The following JAM2 variants were observed in gnomAD, a reference collection of about 807,000 sequenced individuals.
The protein encoded by JAM2 is junctional adhesion molecule B.
In JAM2, 17 loss-of-function variants were observed where a neutral mutation model predicts 42.0. The observed-to-expected ratio is 0.40, with a 90% CI of 0.28 to 0.61. The LOEUF is 0.61. Among genes scored for constraint, JAM2 ranks in the 20% least tolerant of loss-of-function variants. The pLI, the probability that JAM2 is intolerant of heterozygous loss-of-function variation, is 0.37. For synonymous variants in JAM2, 118 were observed against 128.6 expected (o/e 0.92, Z 0.56); for missense variants, 319 against 358.3 (o/e 0.89, Z 0.89).
intron 1 of JAM2, among the ~76,000 whole-genome samples, chr21:25,665,239 C>A (rs1238842551): frequency 6.6e-6 from 1 of 152,182 alleles, no homozygotes; most frequent in Non-Finnish European, 1.5e-5. Context: ...CTCCTTTGTC[C>A]TTGACATGCC....
intron 1 of JAM2, among the ~76,000 whole-genome samples, chr21:25,645,269 C>T (rs772887523): frequency 2.0e-5 from 3 of 152,198 alleles, no homozygotes; most frequent in Non-Finnish European, 4.4e-5. Context: ...TGTGCTCTTA[C>T]CAGCTGTGTG....
chr21:25,667,467 C>T (rs773686128), intron 1 of JAM2, among the ~76,000 whole-genome samples: 1 of 152,138 alleles, frequency 6.6e-6, no homozygotes, highest in Non-Finnish European at 1.5e-5. Flanking sequence ...TTGAGAGAGA[C>T]GTCATTCACA....
At chr21:25,642,657 T>G (rs1038137642) in intron 1 of JAM2, among the ~76,000 whole-genome samples, 3 of 152,190 alleles carry the variant, frequency 2.0e-5, no homozygotes, top group African/African-American at 7.2e-5. Context: ...ATGGATATTT[T>G]TGTGTGTGTT....
chr21:25,687,495 A>G (rs2033775248), intron 2 of JAM2, among the ~76,000 whole-genome samples: 1 of 152,238 alleles, frequency 6.6e-6, no homozygotes, highest in Non-Finnish European at 1.5e-5. Context: ...CTGAAGAGAG[A>G]GAAGAGAATT....
chr21:25,639,894 T>G lies in JAM2; in HGVS notation c.67+6T>G, dbSNP rs756605142. 1 of 1,581,574 alleles carries G rather than the reference T, an allele frequency of 6.3e-7. No individual in the cohort carries two copies. The highest frequency in any genetic ancestry group is 8.6e-7 in the Non-Finnish European group (1 of 1,162,980). ...CCTGGTGGTCGCCCTGGGCTGTAAG[T>G]TGCTCGGGTTCCTCTACCCTTCCTG... is the stretch of plus-strand genomic sequence containing the variant. On this transcript the variant is annotated splice_donor_region_variant and intron_variant, in intron 1 of 9. Coordinates refer to ENST00000480456, the MANE Select transcript of JAM2 (RefSeq NM_021219.4).
rs916494768 is a variant in JAM2 at position 25,716,194 on chromosome 21, C to T, written c.*1522C>T. On this transcript the variant is annotated 3_prime_UTR_variant, in exon 10 of 10. Transcript: ENST00000480456. ...TGTATTTTAGTAGAGAAGGGTTTCA[C>T]CATGTTGGCCAGGCTGGTCTCAAAC... 11 of 152,438 alleles carry T rather than the reference C, an allele frequency of 7.2e-5. No homozygotes were observed. The highest frequency in any genetic ancestry group is 2.7e-4 in the African/African-American group (11 of 41,418). 9.4% of individuals were successfully genotyped at this position (152,438 alleles called of 1,614,324 possible). A position where few individuals can be genotyped will look rare whatever the true frequency, so the allele number is the denominator to read the frequency against.
In JAM2 at chr21:25,711,407, A is replaced by G. The variant is rs1027721074; in HGVS notation, c.822-933A>G. On this transcript the variant is annotated intron_variant, in intron 8 of 9. Transcript: ENST00000480456. ...CTTTGGCTCTATGGGCGTAGAGAGA[A>G]GATGGATGACAAACTATCTGAGGCT... The G allele has an allele frequency of 6.6e-6, 3 of 456,114 alleles. No individual in the cohort carries two copies. In the Admixed American group the frequency reaches 7.1e-5, roughly 11 times the overall value. 28.3% of individuals were successfully genotyped at this position (456,114 alleles called of 1,614,324 possible). A position where few individuals can be genotyped will look rare whatever the true frequency, so the allele number is the denominator to read the frequency against.
chr21:25,714,630 C>CT lies in JAM2; in HGVS notation c.865-6dup. ...ATATATTTAAACCTGTTTTTTCTTT[C>CT]TTTTCCTAGGATTTCAAGCACACAA... On this transcript the variant is annotated splice_polypyrimidine_tract_variant and intron_variant, in intron 9 of 9. Transcript: ENST00000480456. 2 of 1,457,810 alleles carry CT rather than the reference C, an allele frequency of 1.4e-6. No individual in the cohort carries two copies. Among genetic ancestry groups the CT allele is most frequent in the South Asian group, 2.5e-5 (2 of 78,440 alleles). The allele number at this position is 1,457,810 out of a possible 1,614,324, so 90.3% of individuals were successfully genotyped here.
intron 1 of JAM2, among the ~76,000 whole-genome samples, chr21:25,678,862 C>T (rs1441226840): frequency 3.9e-5 from 6 of 152,122 alleles, no homozygotes; most frequent in Admixed American, 1.3e-4. Flanking sequence ...TGCAGTGGTG[C>T]GATCATAGCT....
chr21:25,647,639 G>A (rs371649921), intron 1 of JAM2, among the ~76,000 whole-genome samples: 1 of 152,102 alleles, frequency 6.6e-6, no homozygotes, highest in Non-Finnish European at 1.5e-5. Flanking sequence ...AAAATGATTA[G>A]TAAAACAAAG....
intron 1 of JAM2, among the ~76,000 whole-genome samples, chr21:25,667,643 G>A (rs771884582): frequency 2.6e-5 from 4 of 152,112 alleles, no homozygotes; most frequent in Non-Finnish European, 5.9e-5. Context: ...TCCACTGGGG[G>A]TCTTGGAACG....
At chr21:25,682,252 C>A (rs1033245647) in intron 1 of JAM2, among the ~76,000 whole-genome samples, 30 of 152,102 alleles carry the variant, frequency 2.0e-4, no homozygotes, top group Admixed American at 1.6e-3. Flanking sequence ...TATTTTTAAA[C>A]GTGGTCATTA....
At chr21:25,663,840 A>G (rs2123336564) in intron 1 of JAM2, among the ~76,000 whole-genome samples, 1 of 152,318 alleles carries the variant, frequency 6.6e-6, no homozygotes, top group East Asian at 1.9e-4. Flanking sequence ...CAGCAACAGA[A>G]AACAGATGAA....
chr21:25,696,530 C>A (rs78944691), intron 4 of JAM2, among the ~76,000 whole-genome samples: 1 of 152,140 alleles, frequency 6.6e-6, no homozygotes, highest in East Asian at 1.9e-4. Flanking sequence ...GCAGCAGATC[C>A]GGCCAGTTTA....
intron 1 of JAM2, among the ~76,000 whole-genome samples, chr21:25,677,739 T>C (rs1345143227): frequency 6.6e-6 from 1 of 152,228 alleles, no homozygotes; most frequent in Non-Finnish European, 1.5e-5. Context: ...CGACTGGTTT[T>C]CAGGGAATTT....
intron 1 of JAM2, among the ~76,000 whole-genome samples, chr21:25,654,775 A>G (rs2032883624): frequency 6.6e-6 from 1 of 152,214 alleles, no homozygotes; most frequent in Non-Finnish European, 1.5e-5. Flanking sequence ...CTTTCATTAC[A>G]GAAGGATAGA....
intron 1 of JAM2, among the ~76,000 whole-genome samples, chr21:25,644,584 T>C (rs148313460): frequency 8.5e-5 from 13 of 152,356 alleles, no homozygotes; most frequent in African/African-American, 2.6e-4. Flanking sequence ...TAACTCTGGA[T>C]AATTTATCCA....
At chr21:25,709,693 G>A in intron 8 of JAM2, 1 of 337,906 alleles carries the variant, frequency 3.0e-6, no homozygotes, top group Non-Finnish European at 5.5e-6. Flanking sequence ...TCTGCAAGCT[G>A]TACAATCCTG....
chr21:25,665,297 G>T lies in JAM2; in HGVS notation c.68-18586G>T, dbSNP rs553141786. On this transcript the variant is annotated intron_variant, in intron 1 of 9. Transcript: ENST00000480456. ...AAAGGCAAGTGCTTGATTATGTAAG[G>T]TTGTTTTAGATCAGCATTCTCAGAA... Among the ~76,000 whole-genome samples the T allele has an allele frequency of 2.0e-4, 31 of 152,268 alleles. 1 individual carries two copies. Among genetic ancestry groups the T allele is most frequent in the African/African-American group, 7.2e-4 (30 of 41,554 alleles).
Sources: gnomAD v4.1 joint callset for allele counts (sites outside exome capture counted in the v4.1 genomes callset) on GRCh38, gnomAD v4.1.1 for gene constraint, MANE v1.5 for transcripts, NCBI Gene and HGNC (gene_info 2026-07-23, HGNC 2026-07-21) for gene names.